The following CHN2 variants were observed in gnomAD, a reference collection of about 807,000 sequenced individuals.
The protein encoded by CHN2 is chimerin 2.
A neutral mutation model predicts 56.3 loss-of-function variants in CHN2; 35 were observed. The observed-to-expected ratio is 0.62, with a 90% CI of 0.47 to 0.82. The LOEUF (loss-of-function observed/expected upper bound fraction) is 0.82. Ranked by LOEUF, CHN2 falls within the 40% of genes least tolerant of loss-of-function variation. The probability of loss-of-function intolerance (pLI) is 0.00; values close to 1 mark genes in which losing one functional copy is unlikely to be tolerated. For missense variants in CHN2, 491 were observed against 580.5 expected (o/e 0.85, Z 1.58); for synonymous variants, 210 against 212.8 (o/e 0.99, Z 0.12).
chr7:29,253,658 C>T (rs939771877), intron 1 of CHN2, among the ~76,000 whole-genome samples: 1 of 152,044 alleles, frequency 6.6e-6, no homozygotes, highest in Non-Finnish European at 1.5e-5. Context: ...GATTTCCTAC[C>T]CTCAAAGCAT....
chr7:29,414,842 T>C (rs1463601569), intron 6 of CHN2, among the ~76,000 whole-genome samples: 3 of 152,136 alleles, frequency 2.0e-5, no homozygotes, highest in African/African-American at 7.2e-5. Context: ...CCCCATTGCC[T>C]TCCCCAGGCT....
At chr7:29,255,191 A>C (rs1178541411) in intron 1 of CHN2, among the ~76,000 whole-genome samples, 1 of 152,246 alleles carries the variant, frequency 6.6e-6, no homozygotes, top group Admixed American at 6.5e-5. Flanking sequence ...GATTGTGTGC[A>C]GAGGGAGACC....
chr7:29,323,558 T>G (rs545668988), intron 1 of CHN2, among the ~76,000 whole-genome samples: 3 of 152,200 alleles, frequency 2.0e-5, no homozygotes, highest in East Asian at 3.9e-4. Context: ...TTAATAGACA[T>G]GAGGCCGCCT....
At chr7:29,269,939 C>G (rs1471363735) in intron 1 of CHN2, among the ~76,000 whole-genome samples, 1 of 152,216 alleles carries the variant, frequency 6.6e-6, no homozygotes, top group Non-Finnish European at 1.5e-5. Context: ...CCTGTCCTAT[C>G]TACCTACCTG....
intron 1 of CHN2, among the ~76,000 whole-genome samples, chr7:29,344,019 A>C (rs1797243834): frequency 6.6e-6 from 1 of 152,168 alleles, no homozygotes; most frequent in African/African-American, 2.4e-5. Context: ...CAGATGCTTA[A>C]GCCAAAAACC....
At chr7:29,369,373 A>G (rs542852595) in intron 3 of CHN2, among the ~76,000 whole-genome samples, 2 of 152,348 alleles carry the variant, frequency 1.3e-5, no homozygotes, top group Admixed American at 1.3e-4. Flanking sequence ...AGAACTTGAA[A>G]TGCAAACAGA....
chr7:29,307,549 A>C (rs747272509), intron 1 of CHN2, among the ~76,000 whole-genome samples: 2 of 152,222 alleles, frequency 1.3e-5, no homozygotes, highest in Non-Finnish European at 2.9e-5. Context: ...ACCTTGATTG[A>C]GATGGGCAAA....
At chr7:29,220,926 A>T (rs1312346490) in intron 1 of CHN2, among the ~76,000 whole-genome samples, 1 of 152,218 alleles carries the variant, frequency 6.6e-6, no homozygotes, top group Non-Finnish European at 1.5e-5. Flanking sequence ...AGAATATGTC[A>T]TGATCAGATG....
At chr7:29,392,397 G>A (rs1227118310) in intron 3 of CHN2, among the ~76,000 whole-genome samples, 1 of 152,144 alleles carries the variant, frequency 6.6e-6, no homozygotes, top group African/African-American at 2.4e-5. Context: ...CACACTTTCT[G>A]CTTCTATTAA....
At chr7:29,293,046 A>G in intron 1 of CHN2, 1 of 455,954 alleles carries the variant, frequency 2.2e-6, no homozygotes, top group South Asian at 1.5e-5. Flanking sequence ...CACCTGCCAC[A>G]TGCCCCACTC....
At chr7:29,329,413 G>A (rs1300402806) in intron 1 of CHN2, among the ~76,000 whole-genome samples, 1 of 123,544 alleles carries the variant, frequency 8.1e-6, no homozygotes, top group Non-Finnish European at 1.6e-5. Context: ...GTCAGCAATT[G>A]GGACAGTGTG....
intron 2 of CHN2, among the ~76,000 whole-genome samples, chr7:29,365,171 T>A (rs1449932202): frequency 6.6e-6 from 1 of 152,190 alleles, no homozygotes; most frequent in Admixed American, 6.5e-5. Context: ...AACCAAGCCT[T>A]GAAAAGATGA....
chr7:29,296,152 C>G (rs1159891190), intron 1 of CHN2, among the ~76,000 whole-genome samples: 1 of 150,852 alleles, frequency 6.6e-6, no homozygotes, highest in Non-Finnish European at 1.5e-5. Context: ...GGCGTGATCT[C>G]TGCTCACTGC....
At chr7:29,174,876 A>T (rs1283336772) in intron 2 of CHN2, among the ~76,000 whole-genome samples, 1 of 151,816 alleles carries the variant, frequency 6.6e-6, no homozygotes, top group Non-Finnish European at 1.5e-5. Flanking sequence ...AAAAAAAAAA[A>T]GAATTTTTAG....
rs373142384 is a variant in CHN2 at position 29,177,114 on chromosome 7, T to C, written c.274+30154T>C. ...TTTTAGTTTAGTGAACATTGTCTTC[T>C]AGCACAGAGACACTAAAAAATTTAC... On this transcript the variant is annotated intron_variant, in intron 2 of 6. Coordinates refer to the CHN2 transcript ENST00000439384. Among the ~76,000 whole-genome samples, 5 of 152,376 alleles carry C rather than the reference T, an allele frequency of 3.3e-5. No homozygotes were observed. The East Asian group carries it at 9.6e-4, about 29-fold the overall frequency.
intron 6 of CHN2, among the ~76,000 whole-genome samples, chr7:29,475,243 GA>G (rs1299426289): frequency 1.3e-5 from 2 of 151,828 alleles, no homozygotes; most frequent in African/African-American, 4.8e-5. Flanking sequence ...AAAAAAAGAA[GA>G]AAAAAAAGAA....
intron 1 of CHN2, among the ~76,000 whole-genome samples, chr7:29,340,651 A>C (rs1482184954): frequency 1.3e-5 from 2 of 152,232 alleles, no homozygotes; most frequent in African/African-American, 2.4e-5. Context: ...GCCAAGAGAC[A>C]AATTGCTCCC....
chr7:29,336,475 G>A (rs891695412), intron 1 of CHN2, among the ~76,000 whole-genome samples: 1 of 152,030 alleles, frequency 6.6e-6, no homozygotes, highest in African/African-American at 2.4e-5. Flanking sequence ...GCTGGGTGTG[G>A]TAGCATGCAT....
chr7:29,184,139 G>T (rs1395798733), intron 2 of CHN2, among the ~76,000 whole-genome samples: 1 of 146,012 alleles, frequency 6.8e-6, no homozygotes. Flanking sequence ...CTGTACAGAA[G>T]ATACAGATAG....
Sources: gnomAD v4.1 joint callset for allele counts (sites outside exome capture counted in the v4.1 genomes callset) on GRCh38, gnomAD v4.1.1 for gene constraint, MANE v1.5 for transcripts, NCBI Gene and HGNC (gene_info 2026-07-23, HGNC 2026-07-21) for gene names.